The following ARHGAP32 variants were observed in gnomAD, a reference collection of about 807,000 sequenced individuals.
ARHGAP32 encodes the protein Rho GTPase activating protein 32.
A neutral mutation model predicts 186.5 loss-of-function variants in ARHGAP32; 51 were observed. The ratio of observed to expected loss-of-function variants is 0.27; its 90% CI spans 0.22 to 0.35. The LOEUF is 0.35. ARHGAP32 is among the 10% of genes least tolerant of loss of function. ARHGAP32 has a pLI of 1.00. For synonymous variants in ARHGAP32, 950 were observed against 964.3 expected (o/e 0.99, Z 0.27); for missense variants, 2,186 against 2,623.5 (o/e 0.83, Z 3.64).
intron 1 of ARHGAP32, among the ~76,000 whole-genome samples, chr11:129,206,596 T>C (rs1332109360): frequency 6.6e-6 from 1 of 152,106 alleles, no homozygotes; most frequent in Non-Finnish European, 1.5e-5. Context: ...GTCTCTTAAG[T>C]CTCTTTAAAG....
chr11:129,043,001 C>A (rs1203068311), intron 10 of ARHGAP32, among the ~76,000 whole-genome samples: 1 of 152,150 alleles, frequency 6.6e-6, no homozygotes. Context: ...TGTTTCAATG[C>A]AAAGGCTAGA....
chr11:129,102,061 T>TA (rs1941915526), intron 5 of ARHGAP32, among the ~76,000 whole-genome samples: 1 of 152,052 alleles, frequency 6.6e-6, no homozygotes, highest in Non-Finnish European at 1.5e-5. Flanking sequence ...TCAACACTCT[T>TA]AAAAAAATTC....
chr11:129,251,742 G>C (rs1001326095), intron 1 of ARHGAP32, among the ~76,000 whole-genome samples: 1 of 150,376 alleles, frequency 6.6e-6, no homozygotes, highest in Admixed American at 6.7e-5. Flanking sequence ...AGGCCAACAC[G>C]GTGAAACCCC....
chr11:129,218,146 CT>C (rs754828853), intron 1 of ARHGAP32, among the ~76,000 whole-genome samples: 2 of 152,132 alleles, frequency 1.3e-5, no homozygotes, highest in African/African-American at 2.4e-5. Flanking sequence ...AATTCAAAAC[CT>C]TTTAAATATC....
At chr11:129,212,548 G>A (rs1232628844) in intron 1 of ARHGAP32, among the ~76,000 whole-genome samples, 2 of 152,024 alleles carry the variant, frequency 1.3e-5, no homozygotes, top group East Asian at 3.9e-4. Context: ...TAACTATACT[G>A]CTTAATTTAC....
At chr11:129,062,698 G>A (rs961990343) in intron 9 of ARHGAP32, among the ~76,000 whole-genome samples, 2 of 152,140 alleles carry the variant, frequency 1.3e-5, no homozygotes, top group Non-Finnish European at 2.9e-5. Flanking sequence ...GTCACTGAGA[G>A]TGATCAGATT....
At chr11:129,235,436 T>C (rs1485022711) in intron 1 of ARHGAP32, among the ~76,000 whole-genome samples, 1 of 152,176 alleles carries the variant, frequency 6.6e-6, no homozygotes, top group African/African-American at 2.4e-5. Context: ...TAGTCTAAAA[T>C]TGTCATCATC....
At chr11:129,115,506 T>C (rs749783322) in intron 5 of ARHGAP32, among the ~76,000 whole-genome samples, 20 of 152,094 alleles carry the variant, frequency 1.3e-4, no homozygotes, top group Non-Finnish European at 1.5e-4. Flanking sequence ...CTTTAAACAC[T>C]AGAATCACCA....
Position 128,973,021 on chromosome 11 carries a change from G to A in ARHGAP32, c.3485C>T (p.Thr1162Ile). Residue 1162 changes from threonine to isoleucine, a missense_variant, in exon 22 of 23, where the codon ACA becomes ATA. This residue lies in a region of ARHGAP32 where 1,502 missense variants were observed against 1,570.0 expected (regional missense o/e 0.96). Coordinates refer to ENST00000682385, the MANE Select transcript of ARHGAP32 (RefSeq NM_001378024.1). ...ATATGCTTGATGTGGCTGATTCCCT[G>A]TTAAGTCTACTTGGTGATGTTGCTC... ...SGEQHHQVDL[T>I]GNQPHQAYLS... The A allele has an allele frequency of 6.2e-7, 1 of 1,614,106 alleles. No individual in the cohort carries two copies. Among genetic ancestry groups the A allele is most frequent in the Non-Finnish European group, 8.5e-7 (1 of 1,180,038 alleles).
At chr11:129,206,566 C>T (rs553604746) in intron 1 of ARHGAP32, among the ~76,000 whole-genome samples, 1 of 152,176 alleles carries the variant, frequency 6.6e-6, no homozygotes, top group East Asian at 1.9e-4. Flanking sequence ...AAAGTCCACA[C>T]ATGATATTTT....
At chr11:129,096,717 C>T (rs1301871332) in intron 5 of ARHGAP32, among the ~76,000 whole-genome samples, 1 of 152,224 alleles carries the variant, frequency 6.6e-6, no homozygotes, top group Non-Finnish European at 1.5e-5. Flanking sequence ...GTGTCCATTA[C>T]ACCTAGCTCC....
intron 2 of ARHGAP32, among the ~76,000 whole-genome samples, chr11:129,156,852 C>T (rs1943420601): frequency 6.6e-6 from 1 of 152,188 alleles, no homozygotes; most frequent in Admixed American, 6.5e-5. Context: ...TGGCGGGTGC[C>T]CCTCTGGGAC....
intron 2 of ARHGAP32, among the ~76,000 whole-genome samples, chr11:129,142,635 C>T (rs1421754413): frequency 1.3e-5 from 2 of 151,716 alleles, no homozygotes; most frequent in African/African-American, 4.8e-5. Context: ...TCACCCAATA[C>T]ACATTCATAA....
intron 5 of ARHGAP32, among the ~76,000 whole-genome samples, chr11:129,105,129 G>A (rs1942012767): frequency 6.6e-6 from 1 of 152,028 alleles, no homozygotes; most frequent in South Asian, 2.1e-4. Flanking sequence ...ATACAGTAAG[G>A]CAAACAAAAA....
At position 129,093,623 on chromosome 11, in the gene ARHGAP32, G is replaced by C; in HGVS notation, c.529C>G (p.Gln177Glu). 1 of 1,600,314 alleles carries C rather than the reference G, an allele frequency of 6.2e-7. No homozygotes were observed. Among genetic ancestry groups the C allele is most frequent in the Non-Finnish European group, 8.5e-7 (1 of 1,171,886 alleles). ...GGAGAATACATTCACAAAATCACCT[G>C]ACAAGCAATCTGCACGAGGTAGACC... ...ELVYLVQIAC[Q>E]GKSWIVKRSY... Residue 177 changes from glutamine to glutamate, a missense_variant and splice_region_variant, in exon 6 of 23, where the codon CAG (glutamine) becomes GAG (glutamate). Physicochemically the swap from Gln to Glu is conservative, Grantham distance 29. Coordinates refer to ENST00000682385, the MANE Select transcript of ARHGAP32 (RefSeq NM_001378024.1).
intron 11 of ARHGAP32, chr11:129,030,613 CAA>C (rs1190072931): frequency 6.6e-6 from 1 of 150,962 alleles, no homozygotes; most frequent in South Asian, 2.1e-4. Flanking sequence ...TATCTGTTAA[CAA>C]AAAAAAAGTT....
In ARHGAP32 at chr11:129,251,741, C is replaced by T. The variant is rs535601343; in HGVS notation, c.-5+27405G>A. Among the ~76,000 whole-genome samples the T allele has an allele frequency of 1.4e-3, 202 of 149,110 alleles. 2 individuals carry two copies. The highest frequency in any genetic ancestry group is 0.012 in the Admixed American group (180 of 14,748). On this transcript the variant is annotated intron_variant, in intron 1 of 6. Transcript: ENST00000525234. ...GAGATTGAGACCATCCAGGCCAACA[C>T]GGTGAAACCCCGACTCTATTAAAAA...
At chr11:129,155,842 G>T (rs916994223) in intron 2 of ARHGAP32, among the ~76,000 whole-genome samples, 5 of 152,194 alleles carry the variant, frequency 3.3e-5, no homozygotes, top group African/African-American at 1.2e-4. Context: ...AATGCAGAAG[G>T]CGGGTGATCT....
chr11:129,115,982 A>G (rs1257012745), intron 5 of ARHGAP32, among the ~76,000 whole-genome samples: 1 of 152,080 alleles, frequency 6.6e-6, no homozygotes, highest in Non-Finnish European at 1.5e-5. Flanking sequence ...CCACTTGTAA[A>G]CACAGGATAT....
Sources: gnomAD v4.1 joint callset for allele counts (sites outside exome capture counted in the v4.1 genomes callset) on GRCh38, gnomAD v4.1.1 for gene constraint, gnomAD v4.1.1 regional missense constraint, MANE v1.5 for transcripts, NCBI Gene and HGNC (gene_info 2026-07-23, HGNC 2026-07-21) for gene names.